Variants in NEDD4L observed in about 807,000 individuals in gnomAD.
NEDD4L encodes E3 ubiquitin-protein ligase NEDD4-like.
NEDD4L carries 54 observed loss-of-function variants against 148.9 expected under a neutral mutation model. The observed-to-expected ratio is 0.36, with a 90% CI of 0.29 to 0.45. NEDD4L has a LOEUF of 0.45. Ranked by LOEUF, NEDD4L falls within the 20% of genes least tolerant of loss-of-function variation. The pLI is 1.00. For missense variants in NEDD4L, 856 were observed against 1,233.8 expected, an observed-to-expected ratio of 0.69 and a Z score of 4.59; for synonymous variants, 433 against 440.7, an observed-to-expected ratio of 0.98 and a Z score of 0.22.
chr18:58,166,652 G>C (rs1320381564), intron 2 of NEDD4L, among the ~76,000 whole-genome samples: 1 of 152,206 alleles, frequency 6.6e-6, no homozygotes, highest in African/African-American at 2.4e-5. Context: ...GGTCACGTGG[G>C]CCAGTGATGT....
intron 16 of NEDD4L, among the ~76,000 whole-genome samples, chr18:58,349,236 G>C (rs1336358180): frequency 6.6e-6 from 1 of 152,126 alleles, no homozygotes; most frequent in East Asian, 1.9e-4. Context: ...GGTTTCCCTA[G>C]TAACATCACT....
chr18:58,354,767 T>C (rs1176678932), intron 18 of NEDD4L, among the ~76,000 whole-genome samples: 1 of 152,170 alleles, frequency 6.6e-6, no homozygotes, highest in African/African-American at 2.4e-5. Flanking sequence ...GTGAATCAGT[T>C]GTTACACAGA....
chr18:58,139,402 G>C (rs1394172776), intron 1 of NEDD4L, among the ~76,000 whole-genome samples: 1 of 150,116 alleles, frequency 6.7e-6, no homozygotes, highest in Non-Finnish European at 1.5e-5. Context: ...CTGTTTTGCT[G>C]GCAGGGAAAA....
At chr18:58,224,397 C>T (rs757190533) in intron 2 of NEDD4L, among the ~76,000 whole-genome samples, 8 of 152,124 alleles carry the variant, frequency 5.3e-5, no homozygotes, top group South Asian at 4.1e-4. Context: ...TTATTTTGGC[C>T]GAGATCTGCC....
rs776297860 is a variant in NEDD4L, at chr18:58,341,078, C to T, written c.1166C>T (p.Ser389Leu). Reference protein sequence around the residue: ...AYVHTTPGLPSGWEERKDAKG... With the variant: ...AYVHTTPGLPLGWEERKDAKG... ...GTACATACCACGCCGGGTCTGCCTT[C>T]AGGCTGGGAAGAAAGAAAAGATGCT... Residue 389 changes from serine to leucine, a missense_variant, in exon 14 of 31, where the codon TCA (serine) becomes TTA (leucine). Around this residue, in one of 4 missense-constraint regions of NEDD4L, gnomAD observed 367 missense variants for 422.7 expected, o/e 0.87. Transcript: ENST00000400345. 3 of 1,611,412 alleles carry T rather than the reference C, an allele frequency of 1.9e-6. No homozygotes were observed. The highest frequency in any genetic ancestry group is 1.3e-5 in the African/African-American group (1 of 74,898).
At chr18:58,051,782 A>C (rs1377499793) in intron 1 of NEDD4L, among the ~76,000 whole-genome samples, 1 of 152,226 alleles carries the variant, frequency 6.6e-6, no homozygotes, top group Non-Finnish European at 1.5e-5. Context: ...CTATATGTTG[A>C]TCTTTTGGTA....
intron 5 of NEDD4L, among the ~76,000 whole-genome samples, chr18:58,287,288 T>A (rs2054066667): frequency 6.6e-6 from 1 of 152,216 alleles, no homozygotes; most frequent in South Asian, 2.1e-4. Context: ...GACAACTGCA[T>A]ACTTGCTTTA....
At chr18:58,309,672 T>G (rs528018233) in intron 5 of NEDD4L, among the ~76,000 whole-genome samples, 12 of 151,190 alleles carry the variant, frequency 7.9e-5, no homozygotes, top group African/African-American at 2.7e-4. Flanking sequence ...GGTCTTAAGT[T>G]CAGATTATCA....
chr18:58,163,109 C>G (rs1056716652), intron 1 of NEDD4L, among the ~76,000 whole-genome samples: 1 of 152,050 alleles, frequency 6.6e-6, no homozygotes, highest in Non-Finnish European at 1.5e-5. Context: ...CTATGTTGCC[C>G]AGGCTAGAGT....
chr18:58,390,620 T>C, intron 28 of NEDD4L, 26 bp from the exon 29 acceptor site: 3 of 1,497,032 alleles, frequency 2.0e-6, no homozygotes, highest in Non-Finnish European at 2.7e-6. Flanking sequence ...GTGGGGGGTA[T>C]AATGACCTTC....
At chr18:58,296,267 G>A (rs897584861) in intron 5 of NEDD4L, among the ~76,000 whole-genome samples, 1 of 152,126 alleles carries the variant, frequency 6.6e-6, no homozygotes, top group African/African-American at 2.4e-5. Flanking sequence ...GTTGATCTAG[G>A]GACAAGGTGT....
At chr18:58,248,454 A>G (rs1568471872) in intron 3 of NEDD4L, among the ~76,000 whole-genome samples, 1 of 152,168 alleles carries the variant, frequency 6.6e-6, no homozygotes, top group Non-Finnish European at 1.5e-5. Context: ...ATAGCTCTCT[A>G]TAAAATGTTA....
chr18:58,283,346 G>C (rs2053450876), intron 5 of NEDD4L, among the ~76,000 whole-genome samples: 1 of 152,168 alleles, frequency 6.6e-6, no homozygotes, highest in Non-Finnish European at 1.5e-5. Context: ...AAAGTGCTGG[G>C]ATTACAGGCG....
chr18:58,326,372 G>A (rs1225104216), intron 9 of NEDD4L, among the ~76,000 whole-genome samples: 1 of 152,226 alleles, frequency 6.6e-6, no homozygotes, highest in Non-Finnish European at 1.5e-5. Flanking sequence ...AAAAATATCA[G>A]ATCAGCTGGG....
chr18:58,268,767 A>G (rs2050601007), intron 5 of NEDD4L, among the ~76,000 whole-genome samples: 1 of 152,112 alleles, frequency 6.6e-6, no homozygotes, highest in African/African-American at 2.4e-5. Flanking sequence ...GGTCATCGTA[A>G]GTGGTCACAG....
chr18:58,265,887 T>C (rs1003579239), intron 5 of NEDD4L, among the ~76,000 whole-genome samples: 9 of 151,764 alleles, frequency 5.9e-5, no homozygotes, highest in Non-Finnish European at 1.2e-4. Flanking sequence ...TTATGGAGTT[T>C]ATAAAGAAAC....
chr18:58,310,678 G>A (rs150082150), intron 5 of NEDD4L, among the ~76,000 whole-genome samples: 24 of 152,312 alleles, frequency 1.6e-4, no homozygotes, highest in African/African-American at 5.5e-4. Context: ...ATTGCATGAT[G>A]GAAGCTGAGG....
At chr18:58,181,050 T>C (rs2038810604) in intron 2 of NEDD4L, among the ~76,000 whole-genome samples, 1 of 152,238 alleles carries the variant, frequency 6.6e-6, no homozygotes, top group African/African-American at 2.4e-5. Flanking sequence ...TCACATTTTG[T>C]GTGTTTCAGC....
chr18:58,114,907 C>T (rs761607272), intron 1 of NEDD4L, among the ~76,000 whole-genome samples: 5 of 152,242 alleles, frequency 3.3e-5, no homozygotes, highest in Non-Finnish European at 7.3e-5. Flanking sequence ...TTCTGCCTCC[C>T]TTTGCACTTT....
Sources: allele counts gnomAD v4.1 joint callset (sites outside exome capture counted in the v4.1 genomes callset), GRCh38; gene constraint gnomAD v4.1.1; regional missense constraint gnomAD v4.1.1; transcripts MANE v1.5; gene names NCBI Gene and HGNC (gene_info 2026-07-23, HGNC 2026-07-21).